The following NCALD variants were observed in gnomAD, a reference collection of about 807,000 sequenced individuals.
NCALD encodes neurocalcin delta, also known as neurocalcin-delta.
A neutral mutation model predicts 18.6 loss-of-function variants in NCALD; 10 were observed. That is an observed-to-expected ratio of 0.54 (90% confidence interval 0.33 to 0.91). The LOEUF (loss-of-function observed/expected upper bound fraction) is 0.91. Ranked by LOEUF, NCALD falls within the 40% of genes least tolerant of loss-of-function variation. The pLI is 0.03. For synonymous variants in NCALD, 88 were observed against 87.4 expected, an observed-to-expected ratio of 1.01 and a Z score of -0.04; for missense variants, 184 against 247.6, an observed-to-expected ratio of 0.74 and a Z score of 1.72.
At chr8:101,754,502 C>T (rs1810792242) in intron 1 of NCALD, among the ~76,000 whole-genome samples, 1 of 152,076 alleles carries the variant, frequency 6.6e-6, no homozygotes, top group Admixed American at 6.6e-5. Flanking sequence ...TAGAGGGCAA[C>T]TTCTTGCTGT....
rs543641280 is a variant in NCALD at position 101,820,387 on chromosome 8, GAGT to G, written c.-20+66751_-20+66753del. The stretch of plus-strand genomic sequence containing the variant: ...ATTTTTATTTGTTAAATAAATAAAT[GAGT>G]AGATGAATTTTTAAATGTGTTTAAT... On this transcript the variant is annotated intron_variant, in intron 4 of 6. Transcript: ENST00000311028. Among the ~76,000 whole-genome samples, 163 of 152,200 alleles carry G rather than the reference GAGT, an allele frequency of 1.1e-3. 1 individual carries two copies. The highest frequency in any genetic ancestry group is 1.8e-3 in the Non-Finnish European group (121 of 68,000).
intron 2 of NCALD, among the ~76,000 whole-genome samples, chr8:101,930,957 T>TGCCATAGAAACC: frequency 6.6e-6 from 1 of 152,292 alleles, no homozygotes; most frequent in East Asian, 1.9e-4. Flanking sequence ...CTTATACAAT[T>TGCCATAGAAACC]CCTTTTTTGG....
intron 4 of NCALD, among the ~76,000 whole-genome samples, chr8:101,864,322 A>C (rs2131377707): frequency 6.6e-6 from 1 of 152,326 alleles, no homozygotes; most frequent in African/African-American, 2.4e-5. Flanking sequence ...ACAAAGCAGG[A>C]CCATGACCTA....
chr8:101,841,757 C>T (rs1444241683), intron 4 of NCALD, among the ~76,000 whole-genome samples: 2 of 152,098 alleles, frequency 1.3e-5, no homozygotes, highest in Admixed American at 6.5e-5. Context: ...GGTTCCATTC[C>T]CCTTCTCAGA....
chr8:101,791,346 T>C (rs1216963140), upstream of NCALD, among the ~76,000 whole-genome samples: 1 of 152,218 alleles, frequency 6.6e-6, no homozygotes, highest in African/African-American at 2.4e-5. Flanking sequence ...TCTCTCTCTC[T>C]TTCTCTATAA....
intron 4 of NCALD, among the ~76,000 whole-genome samples, chr8:101,804,475 TATTATATAATATATAATTAATATAATTA>T (rs1325471871): frequency 8.5e-6 from 1 of 118,108 alleles, no homozygotes; most frequent in African/African-American, 4.6e-5. Flanking sequence ...TAACAAAGAT[TATTATATAATATATAATTAATATAATTA>T]ATTATATAAT....
intron 4 of NCALD, among the ~76,000 whole-genome samples, chr8:101,886,748 C>G (rs899753898): frequency 6.6e-6 from 1 of 152,150 alleles, no homozygotes; most frequent in Non-Finnish European, 1.5e-5. Flanking sequence ...CCTCTTCGGT[C>G]CTCTATACTA....
chr8:102,072,371 C>T (rs1824204721), intron 1 of NCALD, among the ~76,000 whole-genome samples: 1 of 152,046 alleles, frequency 6.6e-6, no homozygotes, highest in Admixed American at 6.5e-5. Flanking sequence ...GGGAAAGATT[C>T]GGCTGTAGGG....
At chr8:101,696,103 CA>C (rs1814978383) in intron 2 of NCALD, among the ~76,000 whole-genome samples, 2 of 152,170 alleles carry the variant, frequency 1.3e-5, no homozygotes, top group Non-Finnish European at 2.9e-5. Flanking sequence ...CCCACCATTG[CA>C]GACGATCTCA....
At chr8:101,977,803 C>T (rs896510814) in intron 2 of NCALD, among the ~76,000 whole-genome samples, 2 of 152,152 alleles carry the variant, frequency 1.3e-5, no homozygotes, top group Non-Finnish European at 2.9e-5. Flanking sequence ...CACAGCGATC[C>T]TTTCAGAGTG....
chr8:102,061,207 A>C (rs1175246395), intron 1 of NCALD, among the ~76,000 whole-genome samples: 2 of 152,204 alleles, frequency 1.3e-5, no homozygotes, highest in Non-Finnish European at 2.9e-5. Context: ...AGCAGGGAGA[A>C]AGCATCAGCT....
intron 2 of NCALD, among the ~76,000 whole-genome samples, chr8:101,952,227 C>A (rs1819455045): frequency 6.6e-6 from 1 of 152,162 alleles, no homozygotes; most frequent in South Asian, 2.1e-4. Flanking sequence ...GCAAAGAATG[C>A]AAGTACAGGA....
At chr8:101,968,213 A>T (rs1820105825) in intron 2 of NCALD, among the ~76,000 whole-genome samples, 1 of 152,208 alleles carries the variant, frequency 6.6e-6, no homozygotes, top group Non-Finnish European at 1.5e-5. Flanking sequence ...GAGGCTACTC[A>T]AGTGGGTCTT....
intron 2 of NCALD, among the ~76,000 whole-genome samples, chr8:101,930,611 GT>G (rs1818539189): frequency 6.6e-6 from 1 of 151,802 alleles, no homozygotes; most frequent in Non-Finnish European, 1.5e-5. Flanking sequence ...TATGCTCCCA[GT>G]TTAATAAATT....
At chr8:101,741,378 C>T (rs912548756) in intron 1 of NCALD, among the ~76,000 whole-genome samples, 1 of 152,146 alleles carries the variant, frequency 6.6e-6, no homozygotes, top group Non-Finnish European at 1.5e-5. Context: ...GCAAACACAG[C>T]TCCATAGAGG....
At chr8:101,921,563 T>G (rs1378064416) in intron 2 of NCALD, among the ~76,000 whole-genome samples, 1 of 152,190 alleles carries the variant, frequency 6.6e-6, no homozygotes, top group Non-Finnish European at 1.5e-5. Context: ...AATTGAATAC[T>G]GTTAAAGCAG....
rs574410164 is a variant in NCALD at position 101,838,573 on chromosome 8, G to T, written c.-20+48568C>A. Among the ~76,000 whole-genome samples the T allele has an allele frequency of 3.9e-5, 6 of 152,174 alleles. No individual in the cohort carries two copies. The South Asian group carries it at 1.2e-3, about 32-fold the overall frequency. On this transcript the variant is annotated intron_variant, in intron 4 of 6. Transcript: ENST00000311028. ...ATACTTTCCAGAAACAGAAAACAGG[G>T]GTTTTCTAAGAAGTTCACAGTAAAT...
At chr8:101,844,856 A>ATTCTTAAG (rs1814800508) in intron 4 of NCALD, among the ~76,000 whole-genome samples, 1 of 152,182 alleles carries the variant, frequency 6.6e-6, no homozygotes, top group African/African-American at 2.4e-5. Flanking sequence ...ATACTACCCA[A>ATTCTTAAG]TTCTTAAGTA....
intron 1 of NCALD, among the ~76,000 whole-genome samples, chr8:102,103,671 C>T (rs1460791727): frequency 6.6e-6 from 1 of 152,208 alleles, no homozygotes; most frequent in Non-Finnish European, 1.5e-5. Flanking sequence ...CCTACTGCCT[C>T]AGCCTCTAGA....
Sources: gnomAD v4.1 joint callset for allele counts (sites outside exome capture counted in the v4.1 genomes callset) on GRCh38, gnomAD v4.1.1 for gene constraint, MANE v1.5 for transcripts, NCBI Gene and HGNC (gene_info 2026-07-23, HGNC 2026-07-21) for gene names.